Variants in EXTL3 observed in about 807,000 individuals in gnomAD.
EXTL3 encodes the protein exostosin like glycosyltransferase 3, also known as exostosin-like 3.
In EXTL3, 27 loss-of-function variants were observed where a neutral mutation model predicts 69.3. The ratio of observed to expected loss-of-function variants is 0.39; its 90% CI spans 0.29 to 0.54. The LOEUF (loss-of-function observed/expected upper bound fraction) is 0.54. Among genes scored for constraint, EXTL3 ranks in the 20% least tolerant of loss-of-function variants. The probability of loss-of-function intolerance (pLI) is 0.69; values close to 1 mark genes in which losing one functional copy is unlikely to be tolerated. For synonymous variants in EXTL3, 511 were observed against 499.4 expected, an observed-to-expected ratio of 1.02 and a Z score of -0.31; for missense variants, 1,003 against 1,231.8, an observed-to-expected ratio of 0.81 and a Z score of 2.78.
rs1422262973 is a variant in EXTL3 at position 28,623,076 on chromosome 8, T to G, written c.-53+266T>G. Among the ~76,000 whole-genome samples the G allele has an allele frequency of 6.6e-6, 1 of 151,806 alleles. No individual in the cohort carries two copies. The highest frequency in any genetic ancestry group is 2.0e-4 in the East Asian group (1 of 5,124). ...TGTCCCCTGCCTCGGAGTGTGGACG[T>G]GAACTCCGGGGTGGGCTGGGCTGGG... On this transcript the variant is annotated intron_variant, in intron 1 of 6. Transcript: ENST00000523149. The surrounding 1 kb of genome is among the most constrained non-coding windows in gnomAD (Gnocchi z 4.2).
intron 3 of EXTL3, among the ~76,000 whole-genome samples, chr8:28,729,986 G>T (rs1037577615): frequency 2.0e-5 from 3 of 152,052 alleles, no homozygotes; most frequent in Non-Finnish European, 4.4e-5. Context: ...TGAATTAATT[G>T]GATTTTAAGT....
chr8:28,664,025 C>G lies in EXTL3; in HGVS notation c.-53+41215C>G, dbSNP rs191827273. ...TTTATCTTTTGAAAATACACGTGGGCCCTGACCAGGTGACACCTTCTTCAC... is the reference window on the plus strand; with the variant it reads ...TTTATCTTTTGAAAATACACGTGGGGCCTGACCAGGTGACACCTTCTTCAC... On this transcript the variant is annotated intron_variant, in intron 1 of 6. Coordinates refer to the EXTL3 transcript ENST00000523149. 4.7e-3 allele frequency among the ~76,000 whole-genome samples: 722 copies of G among 152,258 alleles called. 6 individuals are homozygous for G. Among genetic ancestry groups the G allele is most frequent in the South Asian group, 0.014 (68 of 4,804 alleles).
In EXTL3 at chr8:28,750,649, G is replaced by C. The variant is rs538436653; in HGVS notation, c.2551-8G>C. On this transcript the variant is annotated splice_polypyrimidine_tract_variant and splice_region_variant and intron_variant, in intron 6 of 6. Transcript: ENST00000220562. The surrounding 1 kb of genome is among the most constrained non-coding windows in gnomAD (Gnocchi z 5.2). ...GATTCCCACTCTGTCTCTCTCTCCC[G>C]TTTCCAGGTGACCTCACGGTGGACA... The C allele has an allele frequency of 1.2e-6, 2 of 1,612,908 alleles. No homozygotes were observed. The highest frequency in any genetic ancestry group is 1.7e-5 in the Admixed American group (1 of 60,016).
intron 1 of EXTL3, among the ~76,000 whole-genome samples, chr8:28,636,884 G>T (rs1157987973): frequency 6.6e-6 from 1 of 151,992 alleles, no homozygotes; most frequent in Admixed American, 6.6e-5. Context: ...GGTGGCATGT[G>T]CCTGTAATCC....
chr8:28,625,001 T>A (rs1806469875), intron 1 of EXTL3, among the ~76,000 whole-genome samples: 1 of 152,240 alleles, frequency 6.6e-6, no homozygotes, highest in African/African-American at 2.4e-5. Flanking sequence ...TTTTACAATC[T>A]TCCAATGCCT....
At chr8:28,703,983 G>T (rs1202024920) in intron 1 of EXTL3, among the ~76,000 whole-genome samples, 2 of 152,188 alleles carry the variant, frequency 1.3e-5, no homozygotes, top group Non-Finnish European at 2.9e-5. Context: ...GAGAGTTTGT[G>T]AGCTCAAGAG....
At chr8:28,654,530 T>G (rs949573183) in intron 1 of EXTL3, among the ~76,000 whole-genome samples, 7 of 152,072 alleles carry the variant, frequency 4.6e-5, no homozygotes, top group African/African-American at 1.4e-4. Flanking sequence ...TCACCATCAC[T>G]TCTAGCCAAC....
At chr8:28,666,080 T>A (rs892166725) in intron 1 of EXTL3, among the ~76,000 whole-genome samples, 29 of 152,366 alleles carry the variant, frequency 1.9e-4, no homozygotes, top group African/African-American at 6.7e-4. Context: ...TTAAGATTTC[T>A]TGCCTGCTGA....
chr8:28,626,364 G>A (rs1002332171), intron 1 of EXTL3, among the ~76,000 whole-genome samples: 1 of 152,152 alleles, frequency 6.6e-6, no homozygotes, highest in Non-Finnish European at 1.5e-5. Flanking sequence ...GCTTTAAGCA[G>A]CTTACTCTGA....
intron 1 of EXTL3, among the ~76,000 whole-genome samples, chr8:28,703,132 A>G (rs1323756878): frequency 6.6e-6 from 1 of 152,230 alleles, no homozygotes; most frequent in African/African-American, 2.4e-5. Context: ...GAGGAATCAT[A>G]AGAACTCACG....
Position 28,743,064 on chromosome 8 carries a change from G to A in EXTL3, c.2422-22G>A, listed in dbSNP as rs201767167. ...CCTGTGTCTTGTAACAGAGCATGTGGTTCTTTTTCTTCCCCTGACAGTATT... is the reference window on the plus strand; with the variant it reads ...CCTGTGTCTTGTAACAGAGCATGTGATTCTTTTTCTTCCCCTGACAGTATT... On this transcript the variant is annotated intron_variant, in intron 5 of 6. Transcript: ENST00000220562. 1.7e-4 allele frequency: 276 copies of A among 1,613,950 alleles called. No homozygotes were observed. In the African/African-American group the frequency reaches 2.9e-3, roughly 17 times the overall value.
At chr8:28,666,601 A>G (rs1807201053) in intron 1 of EXTL3, among the ~76,000 whole-genome samples, 1 of 146,808 alleles carries the variant, frequency 6.8e-6, no homozygotes, top group Non-Finnish European at 1.5e-5. Flanking sequence ...TTTGAGACAG[A>G]GTTTCACTCT....
chr8:28,711,617 GTC>G (rs1184825358), intron 1 of EXTL3, among the ~76,000 whole-genome samples: 1 of 152,188 alleles, frequency 6.6e-6, no homozygotes, highest in Non-Finnish European at 1.5e-5. Context: ...GAGCCGGGTA[GTC>G]TAGCTGCAGG....
intron 1 of EXTL3, among the ~76,000 whole-genome samples, chr8:28,649,057 T>C (rs1399960562): frequency 6.6e-6 from 1 of 152,050 alleles, no homozygotes; most frequent in East Asian, 1.9e-4. Context: ...CGCTCCCAGC[T>C]AAGGTTTTTT....
chr8:28,683,428 T>A (rs1214177628), intron 1 of EXTL3, among the ~76,000 whole-genome samples: 1 of 152,184 alleles, frequency 6.6e-6, no homozygotes, highest in African/African-American at 2.4e-5. Flanking sequence ...TTTCATTGAT[T>A]TTTTGGGGGG....
At chr8:28,644,395 GTTAATTCAAAA>G (rs1806795025) in intron 1 of EXTL3, among the ~76,000 whole-genome samples, 1 of 152,108 alleles carries the variant, frequency 6.6e-6, no homozygotes, top group Non-Finnish European at 1.5e-5. Context: ...AGTCTCAACT[GTTAATTCAAAA>G]TAAAATGTTT....
chr8:28,712,162 A>T (rs1442086256), intron 1 of EXTL3, among the ~76,000 whole-genome samples: 1 of 152,206 alleles, frequency 6.6e-6, no homozygotes. Context: ...GATGAGAAAG[A>T]GTCTGCCAGG....
At chr8:28,619,768 C>T (rs1806384049), upstream of EXTL3, among the ~76,000 whole-genome samples, 1 of 148,736 alleles carries the variant, frequency 6.7e-6, no homozygotes, top group South Asian at 2.2e-4. Context: ...CATCTGCAGA[C>T]ACCACACATT....
chr8:28,670,874 G>A (rs555657740), intron 1 of EXTL3, among the ~76,000 whole-genome samples: 1 of 152,176 alleles, frequency 6.6e-6, no homozygotes, highest in South Asian at 2.1e-4. Flanking sequence ...ATATCATTTT[G>A]GTATTTGGGT....
Sources: gnomAD v4.1 joint callset for allele counts (sites outside exome capture counted in the v4.1 genomes callset) on GRCh38, gnomAD v4.1.1 for gene constraint, Gnocchi (gnomAD v3.1) non-coding constraint, MANE v1.5 for transcripts, NCBI Gene and HGNC (gene_info 2026-07-23, HGNC 2026-07-21) for gene names.